The following DPP10 variants were observed in gnomAD, a reference collection of about 807,000 sequenced individuals.
DPP10 encodes dipeptidyl peptidase like 10.
A neutral mutation model predicts 120.9 loss-of-function variants in DPP10; 33 were observed. The observed-to-expected ratio is 0.27, with a 90% CI of 0.21 to 0.37. DPP10 has a LOEUF of 0.37. DPP10 is among the 10% of genes least tolerant of loss of function. The pLI is 1.00. For missense variants in DPP10, 816 were observed against 942.8 expected (o/e 0.87, Z 1.76); for synonymous variants, 337 against 326.1 (o/e 1.03, Z -0.36).
At chr2:115,835,258 A>C (rs1292791973) in intron 21 of DPP10, among the ~76,000 whole-genome samples, 1 of 152,100 alleles carries the variant, frequency 6.6e-6, no homozygotes, top group African/African-American at 2.4e-5. Flanking sequence ...ATTGTCTTAT[A>C]CCTCAGATGC....
At chr2:114,625,116 T>C (rs997920752) in intron 1 of DPP10, among the ~76,000 whole-genome samples, 5 of 152,030 alleles carry the variant, frequency 3.3e-5, no homozygotes, top group Non-Finnish European at 7.4e-5. Context: ...TCAAGTAAGA[T>C]TCATATGGTA....
chr2:115,331,324 T>C (rs181606969), intron 2 of DPP10, among the ~76,000 whole-genome samples: 7 of 152,332 alleles, frequency 4.6e-5, no homozygotes, highest in African/African-American at 1.7e-4. Flanking sequence ...GATTTTGGGC[T>C]GAGACGATGG....
At chr2:114,457,492 G>A (rs1678646000) in intron 1 of DPP10, among the ~76,000 whole-genome samples, 1 of 152,192 alleles carries the variant, frequency 6.6e-6, no homozygotes, top group Admixed American at 6.5e-5. Context: ...TGGTCTCATG[G>A]CTTCTGTGAA....
At chr2:115,700,398 A>C (rs1241831784) in intron 7 of DPP10, among the ~76,000 whole-genome samples, 1 of 152,198 alleles carries the variant, frequency 6.6e-6, no homozygotes, top group Non-Finnish European at 1.5e-5. Context: ...ATGACTAAAA[A>C]AAAACAACAA....
At chr2:115,237,324 A>G (rs2058054191) in intron 1 of DPP10, among the ~76,000 whole-genome samples, 1 of 152,116 alleles carries the variant, frequency 6.6e-6, no homozygotes. Context: ...AGTGCCATGA[A>G]CCATGTCAGT....
chr2:115,694,308 TACTA>T (rs1450678440), intron 7 of DPP10, among the ~76,000 whole-genome samples: 2 of 152,184 alleles, frequency 1.3e-5, no homozygotes, highest in Non-Finnish European at 2.9e-5. Context: ...TTGTAGTGTT[TACTA>T]ACTAAGGATA....
chr2:115,827,144 T>G (rs1369494903), intron 21 of DPP10, among the ~76,000 whole-genome samples: 1 of 151,826 alleles, frequency 6.6e-6, no homozygotes, highest in Non-Finnish European at 1.5e-5. Flanking sequence ...ATAACTGGTC[T>G]TTGCATTATT....
At chr2:115,759,367 G>T (rs1044582394) in intron 11 of DPP10, among the ~76,000 whole-genome samples, 3 of 150,434 alleles carry the variant, frequency 2.0e-5, no homozygotes, top group Non-Finnish European at 3.0e-5. Flanking sequence ...AGACCAGCCT[G>T]GACAACAAAA....
chr2:114,447,113 C>T (rs1354620406), intron 1 of DPP10, among the ~76,000 whole-genome samples: 1 of 151,140 alleles, frequency 6.6e-6, no homozygotes, highest in East Asian at 2.0e-4. Flanking sequence ...TCTCCTGCCT[C>T]AGCCTCCCGA....
intron 1 of DPP10, among the ~76,000 whole-genome samples, chr2:115,250,419 C>T (rs1052835445): frequency 3.3e-5 from 5 of 151,914 alleles, no homozygotes; most frequent in African/African-American, 9.7e-5. Flanking sequence ...GGGGACATAT[C>T]GAACCATGTG....
At chr2:114,774,179 T>C (rs1165364991) in intron 1 of DPP10, among the ~76,000 whole-genome samples, 5 of 152,046 alleles carry the variant, frequency 3.3e-5, no homozygotes, top group Non-Finnish European at 7.4e-5. Context: ...GATGAATAAA[T>C]AGTATTTCTG....
chr2:115,793,495 C>T (rs1192482799), intron 19 of DPP10, among the ~76,000 whole-genome samples: 1 of 151,724 alleles, frequency 6.6e-6, no homozygotes, highest in Non-Finnish European at 1.5e-5. Flanking sequence ...CTTATAAATG[C>T]AAAAACTGCA....
At chr2:114,703,967 T>C (rs1700534874) in intron 1 of DPP10, among the ~76,000 whole-genome samples, 1 of 152,044 alleles carries the variant, frequency 6.6e-6, no homozygotes, top group Non-Finnish European at 1.5e-5. Flanking sequence ...AAGAAGGGAT[T>C]TGGGCCTTTT....
chr2:114,786,043 C>T (rs1040502230), intron 1 of DPP10, among the ~76,000 whole-genome samples: 6 of 152,124 alleles, frequency 3.9e-5, no homozygotes, highest in East Asian at 3.9e-4. Flanking sequence ...GCCAATACCT[C>T]GTGCCCAGAT....
At chr2:115,556,665 C>G (rs1459206721) in intron 5 of DPP10, among the ~76,000 whole-genome samples, 4 of 152,116 alleles carry the variant, frequency 2.6e-5, no homozygotes, top group Non-Finnish European at 4.4e-5. Context: ...TACACACTCT[C>G]ATACTGTCTT....
chr2:115,476,277 G>A (rs549043799), intron 3 of DPP10, among the ~76,000 whole-genome samples: 1 of 152,064 alleles, frequency 6.6e-6, no homozygotes, highest in African/African-American at 2.4e-5. Flanking sequence ...TGTTTTAAAA[G>A]CGTGTGGTAC....
intron 1 of DPP10, among the ~76,000 whole-genome samples, chr2:114,751,334 C>T (rs1355471870): frequency 6.6e-6 from 1 of 152,158 alleles, no homozygotes; most frequent in Non-Finnish European, 1.5e-5. Flanking sequence ...GTACTTGCTA[C>T]CTGACCTTTT....
chr2:114,864,442 T>C (rs2106540722), intron 1 of DPP10, among the ~76,000 whole-genome samples: 1 of 152,112 alleles, frequency 6.6e-6, no homozygotes, highest in Non-Finnish European at 1.5e-5. Context: ...TTAAAGGAAA[T>C]AGGGAAGAAA....
chr2:114,847,445 T>C (rs568289325), intron 1 of DPP10, among the ~76,000 whole-genome samples: 20 of 152,316 alleles, frequency 1.3e-4, no homozygotes, highest in Admixed American at 7.2e-4. Context: ...ATTGAGCCAC[T>C]TAATTTGTAA....
Sources: allele counts gnomAD v4.1 joint callset (sites outside exome capture counted in the v4.1 genomes callset), GRCh38; gene constraint gnomAD v4.1.1; transcripts MANE v1.5; gene names NCBI Gene and HGNC (gene_info 2026-07-23, HGNC 2026-07-21).